Variants in GRM8 observed in about 807,000 individuals in gnomAD.
The protein encoded by GRM8 is glutamate metabotropic receptor 8, also known as metabotropic glutamate receptor 8.
In GRM8, 47 loss-of-function variants were observed where a neutral mutation model predicts 87.2. The observed-to-expected ratio is 0.54, with a 90% CI of 0.43 to 0.69. The LOEUF is 0.69. GRM8 is among the 30% of genes least tolerant of loss of function. GRM8 has a pLI of 0.00. For missense variants in GRM8, 1,019 were observed against 1,139.2 expected (o/e 0.89, Z 1.52); for synonymous variants, 396 against 404.5 (o/e 0.98, Z 0.25).
chr7:126,613,688 G>A (rs573531623), intron 7 of GRM8, among the ~76,000 whole-genome samples: 6 of 152,312 alleles, frequency 3.9e-5, no homozygotes, highest in South Asian at 4.1e-4. Context: ...TTAATACTGC[G>A]CTTTTCCAAC....
intron 6 of GRM8, among the ~76,000 whole-genome samples, chr7:126,865,434 C>T (rs1232376540): frequency 6.6e-6 from 1 of 152,196 alleles, no homozygotes; most frequent in Non-Finnish European, 1.5e-5. Flanking sequence ...CTTCACATGT[C>T]ACACAATTCA....
intron 3 of GRM8, among the ~76,000 whole-genome samples, chr7:127,014,935 G>C (rs1171424839): frequency 7.2e-6 from 1 of 139,136 alleles, no homozygotes; most frequent in African/African-American, 2.7e-5. Flanking sequence ...AGGAGAGAGA[G>C]AGAGAGAGAA....
chr7:126,930,036 T>C (rs1805598966), intron 3 of GRM8, among the ~76,000 whole-genome samples: 1 of 152,174 alleles, frequency 6.6e-6, no homozygotes, highest in East Asian at 1.9e-4. Context: ...ATGTGGAGTC[T>C]CCATCAACAG....
intron 3 of GRM8, among the ~76,000 whole-genome samples, chr7:126,943,846 A>T (rs1401024874): frequency 1.3e-5 from 2 of 152,248 alleles, no homozygotes; most frequent in East Asian, 3.8e-4. Flanking sequence ...CATTTGTCAA[A>T]TATTTGCTAA....
chr7:127,208,020 G>C (rs1024783829), intron 2 of GRM8, among the ~76,000 whole-genome samples: 1 of 151,980 alleles, frequency 6.6e-6, no homozygotes, highest in Non-Finnish European at 1.5e-5. Flanking sequence ...GCTGACCCCC[G>C]GCCGATTCCA....
intron 6 of GRM8, among the ~76,000 whole-genome samples, chr7:126,794,883 C>G (rs371168946): frequency 5.3e-5 from 8 of 152,224 alleles, no homozygotes; most frequent in African/African-American, 1.9e-4. Flanking sequence ...CCAAGCTAGC[C>G]AGTGGTTCCC....
chr7:127,102,206 T>A (rs541721411), intron 3 of GRM8, among the ~76,000 whole-genome samples: 1 of 152,338 alleles, frequency 6.6e-6, no homozygotes, highest in South Asian at 2.1e-4. Flanking sequence ...GACTTAAAGC[T>A]GCAACTTATA....
At chr7:126,847,435 G>A (rs114642846) in intron 6 of GRM8, among the ~76,000 whole-genome samples, 83 of 152,256 alleles carry the variant, frequency 5.5e-4, no homozygotes, top group African/African-American at 1.7e-3. Context: ...TTTATTTTGC[G>A]TATGACCCTG....
intron 7 of GRM8, among the ~76,000 whole-genome samples, chr7:126,630,533 T>C (rs1325690314): frequency 6.6e-6 from 1 of 152,150 alleles, no homozygotes; most frequent in Non-Finnish European, 1.5e-5. Flanking sequence ...AGTCGTTAAA[T>C]GAGGCCAGCA....
chr7:126,891,211 A>G (rs907330864), intron 6 of GRM8, among the ~76,000 whole-genome samples: 92 of 152,016 alleles, frequency 6.1e-4, no homozygotes, highest in Non-Finnish European at 1.5e-4. Flanking sequence ...CAAGCCCTAC[A>G]TATATCCCTA....
intron 3 of GRM8, among the ~76,000 whole-genome samples, chr7:126,930,813 T>G (rs1805684637): frequency 6.6e-6 from 1 of 152,224 alleles, no homozygotes; most frequent in African/African-American, 2.4e-5. Flanking sequence ...ACCTTGCAAC[T>G]GAGGTGTATT....
chr7:127,071,840 T>A (rs1821723706), intron 3 of GRM8, among the ~76,000 whole-genome samples: 1 of 152,086 alleles, frequency 6.6e-6, no homozygotes. Flanking sequence ...CACTCAAGAT[T>A]TTCAAACTGA....
At chr7:126,822,016 A>T (rs1794341941) in intron 6 of GRM8, among the ~76,000 whole-genome samples, 1 of 152,108 alleles carries the variant, frequency 6.6e-6, no homozygotes, top group African/African-American at 2.4e-5. Context: ...TTTGTCTGAT[A>T]TTTATTCATT....
chr7:126,689,949 G>C (rs188271220), intron 7 of GRM8, among the ~76,000 whole-genome samples: 83 of 152,270 alleles, frequency 5.5e-4, no homozygotes, highest in African/African-American at 1.9e-3. Context: ...TGTAAAGTGG[G>C]AGATTCTCTA....
At chr7:126,779,495 T>C (rs1819837574) in intron 6 of GRM8, among the ~76,000 whole-genome samples, 1 of 152,086 alleles carries the variant, frequency 6.6e-6, no homozygotes, top group South Asian at 2.1e-4. Context: ...TCTTTATAAC[T>C]AATTAAACCA....
intron 8 of GRM8, among the ~76,000 whole-genome samples, chr7:126,591,198 A>C (rs1399856320): frequency 2.6e-5 from 4 of 152,146 alleles, no homozygotes; most frequent in African/African-American, 7.2e-5. Context: ...ATTCCATGTA[A>C]ATGGAAACCA....
intron 6 of GRM8, among the ~76,000 whole-genome samples, chr7:126,772,689 G>A (rs749270692): frequency 1.5e-4 from 23 of 152,054 alleles, no homozygotes; most frequent in African/African-American, 2.9e-4. Flanking sequence ...TGCACACCCC[G>A]AAGAAAATCT....
intron 3 of GRM8, among the ~76,000 whole-genome samples, chr7:127,070,235 T>C (rs904250522): frequency 3.3e-5 from 5 of 152,184 alleles, no homozygotes; most frequent in Non-Finnish European, 4.4e-5. Flanking sequence ...CTCACTTATG[T>C]GTGTATCTGT....
chr7:126,619,778 C>T (rs1359036779), intron 7 of GRM8, among the ~76,000 whole-genome samples: 1 of 152,050 alleles, frequency 6.6e-6, no homozygotes, highest in Admixed American at 6.5e-5. Flanking sequence ...GCAACATCTG[C>T]CTCCTAGGAT....
Sources: allele counts gnomAD v4.1 joint callset (sites outside exome capture counted in the v4.1 genomes callset), GRCh38; gene constraint gnomAD v4.1.1; transcripts MANE v1.5; gene names NCBI Gene and HGNC (gene_info 2026-07-23, HGNC 2026-07-21).